APC: variants seen among roughly 807,000 people sequenced by gnomAD.
APC encodes the protein APC regulator of Wnt signaling pathway.
A neutral mutation model predicts 247.0 loss-of-function variants in APC; 72 were observed. That is an observed-to-expected ratio of 0.29 (90% confidence interval 0.24 to 0.35). The LOEUF (loss-of-function observed/expected upper bound fraction) is 0.35, where lower values mean the gene tolerates loss of function less well. Ranked by LOEUF, APC falls within the 10% of genes least tolerant of loss-of-function variation. APC has a pLI of 1.00. For missense variants in APC, 3,400 were observed against 3,360.7 expected, an observed-to-expected ratio of 1.01 and a Z score of -0.29; for synonymous variants, 1,254 against 1,162.5, an observed-to-expected ratio of 1.08 and a Z score of -1.60.
chr5:112,762,039 C>G (rs1755729632), intron 2 of APC, among the ~76,000 whole-genome samples: 1 of 152,032 alleles, frequency 6.6e-6, no homozygotes, highest in African/African-American at 2.4e-5. Flanking sequence ...TATATAAATC[C>G]CACAAACCAG....
intron 3 of APC, among the ~76,000 whole-genome samples, chr5:112,766,720 A>G (rs1756376535): frequency 1.3e-5 from 2 of 152,324 alleles, no homozygotes; most frequent in South Asian, 4.1e-4. Context: ...AGTATTCTAT[A>G]TGCCATAGAC....
Position 112,841,868 on chromosome 5 carries a change from C to T in APC, c.6274C>T (p.Leu2092=), listed in dbSNP as rs930830740. The T allele has an allele frequency of 6.2e-7, 1 of 1,613,894 alleles. No homozygotes were observed. Among genetic ancestry groups the T allele is most frequent in the Non-Finnish European group, 8.5e-7 (1 of 1,179,854 alleles). ...ACAGAGACCAGATTCAGAACATGGT[C>T]TATCCCCTGATTCAGAAAATTTTGA... The part of the protein sequence containing the change: ...DIQRPDSEHG[L]SPDSENFDWK... Residue 2092 remains leucine (L), a synonymous_variant, in exon 16 of 16, where the codon CTA becomes TTA. Transcript: ENST00000257430. This position sits in a 1 kb window ranked among gnomAD's most constrained non-coding sequence, Gnocchi z 4.6.
At chr5:112,815,869 G>C (rs909159883) in intron 9 of APC, among the ~76,000 whole-genome samples, 3 of 152,236 alleles carry the variant, frequency 2.0e-5, no homozygotes, top group Non-Finnish European at 2.9e-5. Context: ...CCAGGAGGCA[G>C]AGGTTGCAGT....
In APC at chr5:112,754,899, A is replaced by G; in HGVS notation, c.9A>G (p.Ala3=). MA[A]ASYDQLLKQV... ...TCCAAGGGTAGCCAAGGATGGCTGC[A>G]GCTTCATATGATCAGTTGTTAAAGC... Residue 3 remains alanine, a synonymous_variant, in exon 2 of 16, where the codon GCA becomes GCG. Coordinates refer to ENST00000257430, the MANE Select transcript of APC (RefSeq NM_000038.6). The G allele has an allele frequency of 1.2e-6, 2 of 1,613,760 alleles. No individual in the cohort carries two copies. Among genetic ancestry groups the G allele is most frequent in the Non-Finnish European group, 1.7e-6 (2 of 1,179,736 alleles).
In APC at chr5:112,842,016, G is replaced by A. The variant is rs755626455; in HGVS notation, c.6422G>A (p.Gly2141Glu). 2 of 1,613,220 alleles carry A rather than the reference G, an allele frequency of 1.2e-6. No individual in the cohort carries two copies. The highest frequency in any genetic ancestry group is 2.2e-5 in the East Asian group (1 of 44,876). ...DSDSILSLKS[G>E]ISLGSPFHLT... Reference sequence around the variant, plus strand: ...GATTCCATCCTTTCCCTGAAATCAGGAATCTCTCTGGGATCACCATTTCAT... The same window carrying A: ...GATTCCATCCTTTCCCTGAAATCAGAAATCTCTCTGGGATCACCATTTCAT... The change falls in exon 16 of 16, where the codon GGA (glycine) becomes GAA (glutamate). Residue 2141 changes from glycine (G) to glutamate (E), a missense_variant. Gly to Glu is a moderately conservative substitution (Grantham distance 98). This residue lies in a region of APC where 1,788 missense variants were observed against 1,649.5 expected (regional missense o/e 1.08). Coordinates refer to ENST00000257430, the MANE Select transcript of APC (RefSeq NM_000038.6).
chr5:112,762,089 G>A (rs1301825958), intron 2 of APC, among the ~76,000 whole-genome samples: 3 of 152,074 alleles, frequency 2.0e-5, no homozygotes, highest in Non-Finnish European at 4.4e-5. Context: ...GTGACCCAGG[G>A]ACTTGAAAAG....
chr5:112,716,661 T>C (rs1318223245), intron 1 of APC, among the ~76,000 whole-genome samples: 1 of 152,204 alleles, frequency 6.6e-6, no homozygotes, highest in Non-Finnish European at 1.5e-5. Flanking sequence ...CCATTATGAT[T>C]GTGGATTTGA....
intron 12 of APC, 31 bp from the exon 13 acceptor site, chr5:112,827,898 A>C: frequency 1.3e-6 from 2 of 1,584,402 alleles, no homozygotes; most frequent in Non-Finnish European, 1.7e-6. Context: ...TTGTCTTTTT[A>C]ATGATCCTCT....
chr5:112,795,102 C>T (rs1372147114), intron 7 of APC, among the ~76,000 whole-genome samples: 1 of 152,192 alleles, frequency 6.6e-6, no homozygotes, highest in Admixed American at 6.5e-5. Context: ...TCTTGGCACA[C>T]TGCAACCTCC....
In APC at chr5:112,841,718, T is replaced by A. The variant is rs730881254; in HGVS notation, c.6124T>A (p.Cys2042Ser). The A allele has an allele frequency of 6.2e-7, 1 of 1,613,864 alleles. No homozygotes were observed. The highest frequency in any genetic ancestry group is 8.5e-7 in the Non-Finnish European group (1 of 1,179,752). ...CTCTGAAGATGACCTGTTGCAGGAA[T>A]GTATAAGCTCCGCAATGCCAAAAAA... is the stretch of plus-strand genomic sequence containing the variant. The part of the protein sequence containing the change: ...IDSEDDLLQE[C>S]ISSAMPKKKK... The change falls in exon 16 of 16, where the codon TGT (cysteine) becomes AGT (serine). Residue 2042 changes from cysteine to serine, a missense_variant. Cys to Ser is a moderately radical substitution (Grantham distance 112). Coordinates refer to ENST00000257430, the MANE Select transcript of APC (RefSeq NM_000038.6). This position sits in a 1 kb window ranked among gnomAD's most constrained non-coding sequence, Gnocchi z 4.6.
intron 9 of APC, 55 bp downstream of exon 9, chr5:112,815,648 A>G: frequency 7.0e-7 from 1 of 1,431,372 alleles, no homozygotes; most frequent in Non-Finnish European, 9.8e-7. Context: ...TTGCTAAGAC[A>G]TTCTTGGCCA....
intron 10 of APC, 41 bp from the exon 11 acceptor site, chr5:112,821,855 A>G (rs1372084002): frequency 2.0e-6 from 3 of 1,485,222 alleles, no homozygotes; most frequent in Non-Finnish European, 2.8e-6. Context: ...TTGCTCTTCA[A>G]ATAACAAAGC....
rs2149874792 is a variant in APC, at chr5:112,838,257, C to T, written c.2663C>T (p.Ala888Val). Reference sequence around the variant, plus strand: ...ATCTCCACCACTGCAGCCCAGATTGCCAAAGTCATGGAAGAAGTGTCAGCC... The same window carrying T: ...ATCTCCACCACTGCAGCCCAGATTGTCAAAGTCATGGAAGAAGTGTCAGCC... ...LQISTTAAQI[A>V]KVMEEVSAIH... Residue 888 changes from alanine to valine, a missense_variant, in exon 16 of 16, where the codon GCC becomes GTC. Ala to Val is a moderately conservative substitution (Grantham distance 64). Coordinates refer to ENST00000257430, the MANE Select transcript of APC (RefSeq NM_000038.6). The T allele has an allele frequency of 6.2e-7, 1 of 1,614,178 alleles. No homozygotes were observed. Among genetic ancestry groups the T allele is most frequent in the South Asian group, 1.1e-5 (1 of 91,076 alleles).
At position 112,835,148 on chromosome 5, in the gene APC, T is replaced by C. The variant is rs1554083247; in HGVS notation, c.1941T>C (p.Ala647=). 6.2e-7 allele frequency: 1 copy of C among 1,613,812 alleles called. No homozygotes were observed. The highest frequency in any genetic ancestry group is 1.3e-5 in the African/African-American group (1 of 74,934). ...GILRNVSSLI[A]TNEDHRQILR... is the part of the protein sequence containing the mutation. ...TACGGAATGTGTCCAGCTTGATAGCTACAAATGAGGACCACAGGTATATAT... is the reference window on the plus strand; with the variant it reads ...TACGGAATGTGTCCAGCTTGATAGCCACAAATGAGGACCACAGGTATATAT... Residue 647 remains alanine (A), a synonymous_variant, in exon 15 of 16, where the codon GCT becomes GCC. Coordinates refer to ENST00000257430, the MANE Select transcript of APC (RefSeq NM_000038.6).
At chr5:112,708,344 T>C (rs1750651735) in intron 1 of APC, among the ~76,000 whole-genome samples, 1 of 152,226 alleles carries the variant, frequency 6.6e-6, no homozygotes, top group Admixed American at 6.5e-5. Flanking sequence ...TTGTTCACTT[T>C]GATGGGAGAA....
rs786203540 is a variant in APC at position 112,839,157 on chromosome 5, C to G, written c.3563C>G (p.Pro1188Arg). ...DYSLKYATDI[P>R]SSQKQSFSFS... ...AGTTTAAAATATGCCACAGATATTC[C>G]TTCATCACAGAAACAGTCATTTTCA... The change falls in exon 16 of 16, where the codon CCT (proline) becomes CGT (arginine). Residue 1188 changes from proline to arginine, a missense_variant. By Grantham distance (103) the Pro-to-Arg change is moderately radical (BLOSUM62 -2). Transcript: ENST00000257430. The surrounding 1 kb of genome is among the most constrained non-coding windows in gnomAD (Gnocchi z 5.0). The G allele has an allele frequency of 6.2e-7, 1 of 1,614,100 alleles. No individual in the cohort carries two copies. The highest frequency in any genetic ancestry group is 8.5e-7 in the Non-Finnish European group (1 of 1,180,024).
In APC at chr5:112,707,858, T is replaced by G. The variant is rs753577385; in HGVS notation, c.141T>G (p.Ser47=). ...AGAGCCCGGGCGGCGCTCGTACTTC[T>G]GGCCACTGGGCGAGCGTCTGGCAGG... Residue 47 remains serine (S), a synonymous_variant, in exon 1 of 14, where the codon TCT becomes TCG. Coordinates refer to the APC transcript ENST00000507379. The G allele has an allele frequency of 7.3e-7, 1 of 1,369,736 alleles. No homozygotes were observed. Among genetic ancestry groups the G allele is most frequent in the African/African-American group, 1.4e-5 (1 of 69,714 alleles). 84.8% of individuals were successfully genotyped at this position (1,369,736 alleles called of 1,614,324 possible). A position where few individuals can be genotyped will look rare whatever the true frequency, so the allele number is the denominator to read the frequency against.
intron 1 of APC, among the ~76,000 whole-genome samples, chr5:112,754,142 C>CT (rs1754689199): frequency 6.6e-6 from 1 of 152,182 alleles, no homozygotes; most frequent in African/African-American, 2.4e-5. Context: ...CTTTAGGTAT[C>CT]TTTTGGCCTC....
intron 1 of APC, among the ~76,000 whole-genome samples, chr5:112,716,084 A>T (rs897648582): frequency 6.6e-6 from 1 of 151,834 alleles, no homozygotes; most frequent in Non-Finnish European, 1.5e-5. Flanking sequence ...AGTCTGTTGT[A>T]TGTTTATTTT....
Sources: gnomAD v4.1 joint callset for allele counts (sites outside exome capture counted in the v4.1 genomes callset) on GRCh38, gnomAD v4.1.1 for gene constraint, gnomAD v4.1.1 regional missense constraint, Gnocchi (gnomAD v3.1) non-coding constraint, MANE v1.5 for transcripts, NCBI Gene and HGNC (gene_info 2026-07-23, HGNC 2026-07-21) for gene names.